Variants in NOP56 observed in about 807,000 individuals in gnomAD.
The protein encoded by NOP56 is nucleolar protein 56.
A neutral mutation model predicts 58.3 loss-of-function variants in NOP56; 31 were observed. The observed-to-expected ratio is 0.53, with a 90% CI of 0.40 to 0.72. The LOEUF (loss-of-function observed/expected upper bound fraction) is 0.72. Among genes scored for constraint, NOP56 ranks in the 30% least tolerant of loss-of-function variants. NOP56 has a pLI of 0.00. For synonymous variants in NOP56, 313 were observed against 282.8 expected, an observed-to-expected ratio of 1.11 and a Z score of -1.07; for missense variants, 669 against 739.9, an observed-to-expected ratio of 0.90 and a Z score of 1.11.
At chr20:2,652,732 A>AGAGCCTGGGCCTGGGCCTGGGCCC (rs149713688) in intron 1 of NOP56, 69 bp downstream of exon 1, 5 of 1,108,256 alleles carry the variant, frequency 4.5e-6, no homozygotes, top group Non-Finnish European at 6.2e-6. Context: ...GGCCGCAGAC[A>AGAGCCTGGGCCTGGGCCTGGGCCC]GGGCCTGGGC....
rs148253797 is a variant in NOP56 at position 2,657,163 on chromosome 20, C to T, written c.1364C>T (p.Ala455Val). 2.8e-4 allele frequency: 459 copies of T among 1,614,048 alleles called. No individual in the cohort carries two copies. Among genetic ancestry groups the T allele is most frequent in the Non-Finnish European group, 3.7e-4 (439 of 1,180,036 alleles). ...KRLKKEKKRL[A>V]ALALASSENS... ...TTAAAGAAGGAAAAGAAACGGCTGG[C>T]TGCACTTGCCCTCGCGTCTTCAGAA... Residue 455 changes from alanine to valine, a missense_variant, in exon 11 of 12, where the codon GCT becomes GTT. Physicochemically the swap from Ala to Val is moderately conservative, Grantham distance 64 (BLOSUM62 0). Around this residue, in one of 3 missense-constraint regions of NOP56, gnomAD observed 209 missense variants for 196.2 expected, o/e 1.07. Coordinates refer to ENST00000329276, the MANE Select transcript of NOP56 (RefSeq NM_006392.4).
At position 2,657,577 on chromosome 20, in the gene NOP56, A is replaced by G. The variant is rs541143460; in HGVS notation, c.1420-352A>G. 1.1e-4 allele frequency: 56 copies of G among 520,346 alleles called. No homozygotes were observed. The South Asian group carries it at 1.2e-3, about 11-fold the overall frequency. 32.2% of individuals were successfully genotyped at this position (520,346 alleles called of 1,614,324 possible). A position where few individuals can be genotyped will look rare whatever the true frequency, so the allele number is the denominator to read the frequency against. ...TGGGGATGGGGGCAGGGAGGTCCCC[A>G]ATGTGCTAAGCTACAATCATTCTCC... On this transcript the variant is annotated intron_variant, in intron 11 of 11. Coordinates refer to ENST00000329276, the MANE Select transcript of NOP56 (RefSeq NM_006392.4).
intron 11 of NOP56, chr20:2,657,510 C>CTTA: frequency 1.6e-6 from 1 of 623,034 alleles, no homozygotes; most frequent in South Asian, 1.7e-5. Context: ...TCCTGCTCTG[C>CTTA]TTATTATCAG....
At chr20:2,654,328 T>C in intron 3 of NOP56, 86 bp from the exon 4 acceptor site, 1 of 1,416,078 alleles carries the variant, frequency 7.1e-7, no homozygotes. Context: ...CCCAGCGTGC[T>C]CGGTGGGACC....
chr20:2,655,369 A>G lies in NOP56; in HGVS notation c.614A>G (p.Asn205Ser), dbSNP rs138832466. 5.1e-4 allele frequency: 828 copies of G among 1,614,182 alleles called. 11 individuals are homozygous for G. Among genetic ancestry groups the G allele is most frequent in the South Asian group, 5.0e-3 (452 of 91,082 alleles). ...YHFPELVKII[N>S]DNATYCRLAQ... ...TTTCCGGAGCTGGTGAAGATCATCA[A>G]CGACAATGCCACATACTGCCGTCTT... Residue 205 changes from asparagine (N) to serine (S), a missense_variant, in exon 6 of 12, where the codon AAC becomes AGC. This residue lies in a region of NOP56 where 339 missense variants were observed against 430.5 expected (regional missense o/e 0.79). Coordinates refer to ENST00000329276, the MANE Select transcript of NOP56 (RefSeq NM_006392.4).
At chr20:2,652,982 C>T in intron 2 of NOP56, 51 bp downstream of exon 2, 4 of 1,481,172 alleles carry the variant, frequency 2.7e-6, no homozygotes, top group Non-Finnish European at 2.7e-6. Flanking sequence ...CCTCATCGCG[C>T]GGGTCCCAGC....
chr20:2,656,757 C>T lies in NOP56; in HGVS notation c.1160-17C>T, dbSNP rs1297690610. On this transcript the variant is annotated splice_polypyrimidine_tract_variant and intron_variant, in intron 9 of 11. Transcript: ENST00000329276. Reference sequence around the variant, plus strand: ...CTCTCTTTGGGCTGACAGGCTTTGTCACCCACACACATCCAGAGGTGCCCA... The same window carrying T: ...CTCTCTTTGGGCTGACAGGCTTTGTTACCCACACACATCCAGAGGTGCCCA... 1 of 1,614,020 alleles carries T rather than the reference C, an allele frequency of 6.2e-7. No homozygotes were observed. The highest frequency in any genetic ancestry group is 8.5e-7 in the Non-Finnish European group (1 of 1,180,024).
intron 3 of NOP56, 40 bp from the exon 4 acceptor site, chr20:2,654,374 C>T: frequency 1.2e-6 from 2 of 1,612,826 alleles, no homozygotes; most frequent in Non-Finnish European, 1.7e-6. Flanking sequence ...AGTTGATCGT[C>T]CTTCAGCCTG....
In NOP56 at chr20:2,658,294, G is replaced by A; in HGVS notation, c.1785G>A (p.Ter595=). Residue 595 remains the stop codon, a stop_retained_variant, in exon 12 of 12, where the codon TAG becomes TAA. Transcript: ENST00000329276. ...TCCATAAAGCATCCCAGGAAGATTA[G>A]AATGCAAATGGACATTCTCTGGGAG... The part of the protein sequence containing the change: ...KKFHKASQED[*] 6.3e-7 allele frequency: 1 copy of A among 1,597,596 alleles called. No individual in the cohort carries two copies. The highest frequency in any genetic ancestry group is 8.5e-7 in the Non-Finnish European group (1 of 1,172,066).
chr20:2,655,185 A>T, intron 5 of NOP56, 140 bp from the exon 6 acceptor site: 1 of 1,205,796 alleles, frequency 8.3e-7, no homozygotes, highest in Non-Finnish European at 1.2e-6. Flanking sequence ...TGTATTGTGA[A>T]TGGGGGAACA....
chr20:2,654,837 C>T lies in NOP56; in HGVS notation c.459C>T (p.Ser153=), dbSNP rs1222389941. The change falls in exon 5 of 12, where the codon TCC becomes TCT. Residue 153 remains serine (S), a synonymous_variant. Transcript: ENST00000329276. ...AGCTGGGGCTGGGACACAGCTATTC[C>T]CGTGCCAAAGTTAAGTTTAATGTGA... ...KAQLGLGHSY[S]RAKVKFNVNR... is the part of the protein sequence containing the mutation. 9 of 1,613,992 alleles carry T rather than the reference C, an allele frequency of 5.6e-6. No homozygotes were observed. Among genetic ancestry groups the T allele is most frequent in the Middle Eastern group, 1.6e-4 (1 of 6,082 alleles).
intron 3 of NOP56, 42 bp downstream of exon 3, chr20:2,653,435 C>T: frequency 1.3e-6 from 2 of 1,525,422 alleles, no homozygotes; most frequent in South Asian, 2.2e-5. Context: ...GATGTGGTTC[C>T]TTTCGGTATC....
In NOP56 at chr20:2,654,790, G is replaced by A. The variant is rs11553608; in HGVS notation, c.412G>A (p.Asp138Asn). 5 of 1,614,024 alleles carry A rather than the reference G, an allele frequency of 3.1e-6. No homozygotes were observed. The African/African-American group carries it at 5.3e-5, about 17-fold the overall frequency. The change falls in exon 5 of 12, where the codon GAT becomes AAT. Residue 138 changes from aspartate (D) to asparagine (N), a missense_variant. Asp to Asn is a conservative substitution (Grantham distance 23, BLOSUM62 1). Coordinates refer to ENST00000329276, the MANE Select transcript of NOP56 (RefSeq NM_006392.4). ...HFHNLVKGLTDLSACKAQLGL... is the reference protein window; with the variant it reads ...HFHNLVKGLTNLSACKAQLGL... ...CCACAATCTGGTGAAGGGTCTGACC[G>A]ATCTGTCAGCTTGTAAAGCACAGCT...
rs769756789 is a variant in NOP56, at chr20:2,652,640, C to T, written c.-21C>T. 5 of 1,409,772 alleles carry T rather than the reference C, an allele frequency of 3.5e-6. No homozygotes were observed. Among genetic ancestry groups the T allele is most frequent in the Admixed American group, 6.9e-5 (2 of 28,888 alleles). 87.3% of individuals were successfully genotyped at this position (1,409,772 alleles called of 1,614,324 possible). ...CGGAGCGCGCTAGCCGCATTGCGAG[C>T]CGAACCCGGGAGCTGGCGCCATGGT... On this transcript the variant is annotated 5_prime_UTR_variant, in exon 1 of 12. Coordinates refer to ENST00000329276, the MANE Select transcript of NOP56 (RefSeq NM_006392.4).
intron 9 of NOP56, 40 bp from the exon 10 acceptor site, chr20:2,656,734 C>A: frequency 6.2e-7 from 1 of 1,614,100 alleles, no homozygotes; most frequent in Non-Finnish European, 8.5e-7. Flanking sequence ...GGTAGTTTCT[C>A]TCTTTGGGCT....
At position 2,654,718 on chromosome 20, in the gene NOP56, C is replaced by T. The variant is rs761977849; in HGVS notation, c.371-31C>T. ...GGGTGCGGGAGCTAGCTCAGAGCCC[C>T]TTGTTGCTCACCGTCTTGCCCTCTT... On this transcript the variant is annotated intron_variant, in intron 4 of 11. Coordinates refer to ENST00000329276, the MANE Select transcript of NOP56 (RefSeq NM_006392.4). The T allele has an allele frequency of 3.7e-6, 6 of 1,612,432 alleles. No homozygotes were observed. In the African/African-American group the frequency reaches 5.3e-5, roughly 14 times the overall value.
At position 2,657,091 on chromosome 20, in the gene NOP56, C is replaced by A. The variant is rs766864927; in HGVS notation, c.1292C>A (p.Ala431Glu). ...CTTTTCTTTGACCAGGCAGAGGAAG[C>A]GGCTGCTGAGATTACTAGGAAGCTG... ...MKEAMVQAEE[A>E]AAEITRKLEK... The change falls in exon 11 of 12, where the codon GCG becomes GAG. Residue 431 changes from alanine to glutamate, a missense_variant. By Grantham distance (107) the Ala-to-Glu change is moderately radical. Transcript: ENST00000329276. 1.2e-6 allele frequency: 2 copies of A among 1,613,794 alleles called. No homozygotes were observed.
At chr20:2,657,642 T>C (rs1210215758) in intron 11 of NOP56, 42 of 517,050 alleles carry the variant, frequency 8.1e-5, no homozygotes, top group Non-Finnish European at 1.4e-5. Flanking sequence ...TAAACAGTGT[T>C]TCAGGGCCCT....
At chr20:2,655,885 G>T in intron 7 of NOP56, 49 bp from the exon 8 acceptor site, 1 of 1,612,996 alleles carries the variant, frequency 6.2e-7, no homozygotes, top group Non-Finnish European at 8.5e-7. Context: ...GTGCAACTGG[G>T]CAGGTCAGCA....
Sources: gnomAD v4.1 joint callset for allele counts on GRCh38, gnomAD v4.1.1 for gene constraint, gnomAD v4.1.1 regional missense constraint, MANE v1.5 for transcripts, NCBI Gene and HGNC (gene_info 2026-07-23, HGNC 2026-07-21) for gene names.